The following SLIT3 variants were observed in gnomAD, a reference collection of about 807,000 sequenced individuals.
SLIT3 encodes the protein slit homolog 3 protein.
A neutral mutation model predicts 184.0 loss-of-function variants in SLIT3; 68 were observed. The ratio of observed to expected loss-of-function variants is 0.37; its 90% CI spans 0.30 to 0.45. The LOEUF (loss-of-function observed/expected upper bound fraction) is 0.45. SLIT3 is among the 20% of genes least tolerant of loss of function. The probability of loss-of-function intolerance (pLI) is 1.00; values close to 1 mark genes in which losing one functional copy is unlikely to be tolerated. For synonymous variants in SLIT3, 831 were observed against 828.6 expected, an observed-to-expected ratio of 1.00 and a Z score of -0.05; for missense variants, 1,707 against 2,026.0, an observed-to-expected ratio of 0.84 and a Z score of 3.02.
chr5:168,762,089 TC>T (rs1321861553), intron 15 of SLIT3, among the ~76,000 whole-genome samples: 1 of 148,338 alleles, frequency 6.7e-6, no homozygotes, highest in African/African-American at 2.5e-5. Context: ...ATTTTTTAGC[TC>T]TTTTTTTTTT....
intron 10 of SLIT3, among the ~76,000 whole-genome samples, chr5:168,792,796 T>A (rs907550378): frequency 2.0e-5 from 3 of 152,290 alleles, no homozygotes; most frequent in African/African-American, 7.2e-5. Flanking sequence ...AGGTTGAGTA[T>A]CCCTAATCCA....
intron 4 of SLIT3, among the ~76,000 whole-genome samples, chr5:168,962,924 C>A (rs553550438): frequency 6.6e-6 from 1 of 152,342 alleles, no homozygotes; most frequent in South Asian, 2.1e-4. Flanking sequence ...TTCACAGCAG[C>A]CGTTCCTTCC....
At chr5:168,844,712 C>T (rs879145297) in intron 5 of SLIT3, 57 bp from the exon 6 acceptor site, 4 of 1,540,970 alleles carry the variant, frequency 2.6e-6, no homozygotes, top group East Asian at 2.3e-5. Context: ...GAGGGGCCGG[C>T]GGCCCAGGCC....
chr5:169,063,887 C>T (rs1017967891), intron 4 of SLIT3, among the ~76,000 whole-genome samples: 2 of 152,180 alleles, frequency 1.3e-5, no homozygotes, highest in Admixed American at 6.5e-5. Flanking sequence ...TCCTCCATTT[C>T]CTCTCAACAT....
At chr5:168,793,118 G>A (rs1163566406) in intron 10 of SLIT3, among the ~76,000 whole-genome samples, 1 of 152,122 alleles carries the variant, frequency 6.6e-6, no homozygotes, top group African/African-American at 2.4e-5. Context: ...AAGCATTTTG[G>A]ATAAGGAATA....
chr5:168,809,594 C>T (rs1212848874), intron 8 of SLIT3, among the ~76,000 whole-genome samples: 2 of 152,204 alleles, frequency 1.3e-5, no homozygotes, highest in Admixed American at 1.3e-4. Context: ...TGGCAGAAGT[C>T]CCTCCACTTT....
intron 4 of SLIT3, among the ~76,000 whole-genome samples, chr5:169,081,341 C>T (rs576812828): frequency 7.2e-5 from 11 of 152,274 alleles, no homozygotes; most frequent in African/African-American, 2.6e-4. Flanking sequence ...GCAGCTGGGC[C>T]TCTGCCTCCC....
At chr5:169,211,990 C>T (rs888088066) in intron 3 of SLIT3, among the ~76,000 whole-genome samples, 5 of 151,764 alleles carry the variant, frequency 3.3e-5, no homozygotes, top group South Asian at 4.2e-4. Flanking sequence ...GCATAGTATT[C>T]CATGGTGTAT....
chr5:168,887,537 C>T (rs556575290), intron 4 of SLIT3, among the ~76,000 whole-genome samples: 8 of 152,134 alleles, frequency 5.3e-5, no homozygotes, highest in East Asian at 1.9e-4. Context: ...GTTGTGAGAG[C>T]GAAATGATTA....
chr5:169,289,568 G>C lies in SLIT3; in HGVS notation c.197+10945C>G, dbSNP rs1272146788. ...AGATGGCCATAAAGACGAAGTCTGA[G>C]GTTGTTTCCAGGGCAGAACTCTGAG... On this transcript the variant is annotated intron_variant, in intron 1 of 35. Transcript: ENST00000519560. 3.3e-5 allele frequency among the ~76,000 whole-genome samples: 5 copies of C among 152,220 alleles called. No individual in the cohort carries two copies. The East Asian group carries it at 9.6e-4, about 29-fold the overall frequency.
At chr5:169,237,317 T>A (rs1446391832) in intron 3 of SLIT3, among the ~76,000 whole-genome samples, 1 of 152,244 alleles carries the variant, frequency 6.6e-6, no homozygotes, top group Non-Finnish European at 1.5e-5. Flanking sequence ...ATGCATAGTG[T>A]CACGTATCCA....
chr5:168,669,733 G>A, intron 35 of SLIT3, 50 bp downstream of exon 35: 1 of 1,474,926 alleles, frequency 6.8e-7, no homozygotes, highest in East Asian at 2.3e-5. Flanking sequence ...TGGATGTGAA[G>A]TCCAACTCTG....
intron 4 of SLIT3, among the ~76,000 whole-genome samples, chr5:169,180,348 G>A (rs6898239): frequency 0.062 from 9,500 of 152,250 alleles, 1,043 homozygotes; most frequent in African/African-American, 0.22. Context: ...ATGATGTAGT[G>A]CAGGAGCTTA....
chr5:168,737,652 A>G (rs1390634901), intron 20 of SLIT3, among the ~76,000 whole-genome samples: 1 of 152,212 alleles, frequency 6.6e-6, no homozygotes, highest in African/African-American at 2.4e-5. Context: ...GACCAAAAAT[A>G]TATGTCTAAA....
chr5:169,265,276 G>T (rs1341849098), intron 1 of SLIT3, among the ~76,000 whole-genome samples: 1 of 152,188 alleles, frequency 6.6e-6, no homozygotes, highest in Non-Finnish European at 1.5e-5. Context: ...TGCGTAGTCT[G>T]GTTCTCACTG....
At chr5:168,830,420 C>T (rs141965754) in intron 6 of SLIT3, among the ~76,000 whole-genome samples, 119 of 152,272 alleles carry the variant, frequency 7.8e-4, no homozygotes, top group African/African-American at 2.5e-3. Context: ...GGAATAAGAA[C>T]GATGCAATAA....
chr5:168,851,185 T>C (rs776486808), intron 5 of SLIT3, among the ~76,000 whole-genome samples: 195 of 151,646 alleles, frequency 1.3e-3, no homozygotes, highest in Non-Finnish European at 2.5e-3. Flanking sequence ...TAGCCGGGCG[T>C]GGTGGCGGGC....
intron 4 of SLIT3, among the ~76,000 whole-genome samples, chr5:169,135,278 A>G (rs549913185): frequency 6.6e-6 from 1 of 152,154 alleles, no homozygotes; most frequent in Non-Finnish European, 1.5e-5. Context: ...TGCCTGGCTA[A>G]TTTTTGTATC....
At chr5:169,276,098 G>A (rs1323574324) in intron 1 of SLIT3, among the ~76,000 whole-genome samples, 1 of 152,124 alleles carries the variant, frequency 6.6e-6, no homozygotes, top group Non-Finnish European at 1.5e-5. Context: ...AACAAAGAAA[G>A]AGAGCAATTG....
Sources: allele counts gnomAD v4.1 joint callset (sites outside exome capture counted in the v4.1 genomes callset), GRCh38; gene constraint gnomAD v4.1.1; transcripts MANE v1.5; gene names NCBI Gene and HGNC (gene_info 2026-07-23, HGNC 2026-07-21).